DENND4C: variants seen among roughly 807,000 people sequenced by gnomAD.
DENND4C encodes the protein DENN domain-containing protein 4C.
DENND4C carries 108 observed loss-of-function variants against 203.0 expected under a neutral mutation model. The ratio of observed to expected loss-of-function variants is 0.53; its 90% CI spans 0.46 to 0.62. DENND4C has a LOEUF of 0.62. Ranked by LOEUF, DENND4C falls within the 20% of genes least tolerant of loss-of-function variation. The pLI is 0.00. For synonymous variants in DENND4C, 871 were observed against 792.4 expected (o/e 1.10, Z -1.67); for missense variants, 2,481 against 2,301.2 (o/e 1.08, Z -1.60).
intron 1 of DENND4C, among the ~76,000 whole-genome samples, chr9:19,245,084 G>A (rs1296134384): frequency 6.6e-6 from 1 of 152,124 alleles, no homozygotes; most frequent in Non-Finnish European, 1.5e-5. Context: ...TCTCAATTCT[G>A]GCTGTATATT....
chr9:19,234,574 C>G lies in DENND4C; in HGVS notation c.-18+3741C>G, dbSNP rs1011932904. 2.1e-5 allele frequency among the ~76,000 whole-genome samples: 3 copies of G among 142,792 alleles called. No individual in the cohort carries two copies. In the South Asian group the frequency reaches 6.9e-4, roughly 33 times the overall value. The allele number at this position is 142,792 out of a possible 152,430, so 93.7% of individuals were successfully genotyped here. ...TTTTAACACGGTCTCACTTTGTCAC[C>G]TAGGCTAGAGTGCAGTGCATCTCAG... On this transcript the variant is annotated intron_variant, in intron 1 of 32. Transcript: ENST00000434457.
intron 20 of DENND4C, among the ~76,000 whole-genome samples, chr9:19,337,345 G>A (rs776238021): frequency 6.6e-6 from 1 of 152,178 alleles, no homozygotes; most frequent in East Asian, 1.9e-4. Flanking sequence ...AGAAATAAGT[G>A]TAACTAAAGT....
chr9:19,238,117 G>A (rs200718978), intron 1 of DENND4C, among the ~76,000 whole-genome samples: 4 of 147,160 alleles, frequency 2.7e-5, no homozygotes, highest in East Asian at 2.0e-4. Flanking sequence ...AGTTTCACTC[G>A]TGTTGCCCAG....
At chr9:19,234,291 C>T (rs28649618) in intron 1 of DENND4C, among the ~76,000 whole-genome samples, 2,019 of 151,642 alleles carry the variant, frequency 0.013, 41 homozygotes, top group African/African-American at 0.047. Flanking sequence ...AGTGCAGTGG[C>T]GCGATCTCAG....
intron 1 of DENND4C, among the ~76,000 whole-genome samples, chr9:19,249,640 A>T (rs1826079495): frequency 6.6e-6 from 1 of 152,204 alleles, no homozygotes; most frequent in South Asian, 2.1e-4. Flanking sequence ...ATCCAAGCAA[A>T]AAAGTGTGCA....
At chr9:19,328,008 T>A in intron 15 of DENND4C, 22 bp from the exon 16 acceptor site, 1 of 1,578,962 alleles carries the variant, frequency 6.3e-7, no homozygotes, top group South Asian at 1.2e-5. Context: ...AATCAGCAGT[T>A]CTATTTTTTT....
intron 1 of DENND4C, among the ~76,000 whole-genome samples, chr9:19,254,882 C>A (rs12004064): frequency 0.064 from 9,802 of 152,112 alleles, 600 homozygotes; most frequent in African/African-American, 0.16. Context: ...CTGTAACCCC[C>A]GCACTTTGGG....
chr9:19,237,796 T>C (rs981952186), intron 1 of DENND4C, among the ~76,000 whole-genome samples: 5 of 152,314 alleles, frequency 3.3e-5, no homozygotes, highest in African/African-American at 1.2e-4. Context: ...AAACCAAATA[T>C]GTAATTTAAA....
At chr9:19,254,532 C>G (rs1588750749) in intron 1 of DENND4C, among the ~76,000 whole-genome samples, 2 of 152,094 alleles carry the variant, frequency 1.3e-5, no homozygotes, top group Admixed American at 1.3e-4. Flanking sequence ...TGGAATCCAA[C>G]AAGTTGAACT....
chr9:19,234,853 A>C (rs560904237), intron 1 of DENND4C, among the ~76,000 whole-genome samples: 28 of 148,792 alleles, frequency 1.9e-4, no homozygotes, highest in African/African-American at 6.9e-4. Context: ...ATACTTTTTT[A>C]CTCTTAAAAT....
chr9:19,284,926 T>C (rs1473033841), intron 2 of DENND4C, among the ~76,000 whole-genome samples: 1 of 152,166 alleles, frequency 6.6e-6, no homozygotes, highest in Non-Finnish European at 1.5e-5. Context: ...CATATTTTAT[T>C]GGTACTGGAT....
intron 3 of DENND4C, among the ~76,000 whole-genome samples, chr9:19,287,898 A>G (rs1222298465): frequency 6.6e-6 from 1 of 151,760 alleles, no homozygotes; most frequent in Non-Finnish European, 1.5e-5. Flanking sequence ...ACGCCCACCT[A>G]ATTTTGTATG....
chr9:19,357,713 C>G lies in DENND4C; in HGVS notation c.4965-252C>G, dbSNP rs558341259. Reference sequence around the variant, plus strand: ...TAAAGCAACTGAATGGGTACTTTGTCTTTTTAAAATAATACCTGTATATCT... The same window carrying G: ...TAAAGCAACTGAATGGGTACTTTGTGTTTTTAAAATAATACCTGTATATCT... On this transcript the variant is annotated intron_variant, in intron 27 of 32. Transcript: ENST00000434457. 158 of 344,024 alleles carry G rather than the reference C, an allele frequency of 4.6e-4. 2 individuals are homozygous for G. In the South Asian group the frequency reaches 0.012, roughly 26 times the overall value. 21.3% of individuals were successfully genotyped at this position (344,024 alleles called of 1,614,324 possible). A position where few individuals can be genotyped will look rare whatever the true frequency, so the allele number is the denominator to read the frequency against.
At chr9:19,328,642 TC>T (rs1818362779) in intron 16 of DENND4C, among the ~76,000 whole-genome samples, 1 of 126,400 alleles carries the variant, frequency 7.9e-6, no homozygotes, top group East Asian at 2.0e-4. Context: ...TGTCTGTCTG[TC>T]TGTCTGTCTG....
At chr9:19,342,871 G>A (rs1306627181) in intron 22 of DENND4C, 92 bp downstream of exon 22, 2 of 1,102,956 alleles carry the variant, frequency 1.8e-6, no homozygotes, top group Non-Finnish European at 2.4e-6. Context: ...TGACTTAATT[G>A]TAATGAACAT....
intron 24 of DENND4C, 80 bp downstream of exon 24, chr9:19,350,959 T>C: frequency 7.0e-7 from 1 of 1,422,958 alleles, no homozygotes; most frequent in Non-Finnish European, 9.5e-7. Flanking sequence ...GACGGGGTTT[T>C]GTCTTGTTGC....
rs1819319578 is a variant in DENND4C, at chr9:19,331,970, C to CT, written c.2254-5dup. 4 of 1,608,364 alleles carry CT rather than the reference C, an allele frequency of 2.5e-6. No homozygotes were observed. Among genetic ancestry groups the CT allele is most frequent in the Non-Finnish European group, 3.4e-6 (4 of 1,176,524 alleles). ...AGTAAATATCATAATATTTTATTCT[C>CT]TTTCTAGGAAATAAAAACAGCTCAT... On this transcript the variant is annotated splice_polypyrimidine_tract_variant and splice_region_variant and intron_variant, in intron 16 of 32. Transcript: ENST00000434457.
chr9:19,239,148 A>T (rs1488843379), intron 1 of DENND4C, among the ~76,000 whole-genome samples: 3 of 151,742 alleles, frequency 2.0e-5, no homozygotes, highest in African/African-American at 7.3e-5. Context: ...CCCTTGATTT[A>T]GTCTGCTTTT....
In DENND4C at chr9:19,346,630, C is replaced by T; in HGVS notation, c.3861C>T (p.Ser1287=). The stretch of plus-strand genomic sequence containing the variant: ...GTAATCTGGCTGATGAAATAGAAAG[C>T]TATATGAACCTAAAAAGTCCCCTAG... ...IARNLADEIE[S]YMNLKSPLGS... is the part of the protein sequence containing the mutation. Residue 1287 remains serine, a synonymous_variant, in exon 23 of 33, where the codon AGC becomes AGT. Coordinates refer to ENST00000434457, the MANE Select transcript of DENND4C (RefSeq NM_001330640.2). 4 of 1,614,090 alleles carry T rather than the reference C, an allele frequency of 2.5e-6. No homozygotes were observed. The highest frequency in any genetic ancestry group is 2.5e-6 in the Non-Finnish European group (3 of 1,180,018).
Sources: gnomAD v4.1 joint callset for allele counts (sites outside exome capture counted in the v4.1 genomes callset) on GRCh38, gnomAD v4.1.1 for gene constraint, MANE v1.5 for transcripts, NCBI Gene and HGNC (gene_info 2026-07-23, HGNC 2026-07-21) for gene names.